The following TRPC7 variants were observed in gnomAD, a reference collection of about 807,000 sequenced individuals.
The protein encoded by TRPC7 is short transient receptor potential channel 7.
Under a neutral mutation model 90.1 loss-of-function variants are expected in TRPC7, and 42 were observed. The observed-to-expected ratio is 0.47, with a 90% confidence interval of 0.36 to 0.60. The LOEUF is 0.60. TRPC7 is among the 20% of genes least tolerant of loss of function. The pLI, the probability that TRPC7 is intolerant of heterozygous loss-of-function variation, is 0.00. For synonymous variants in TRPC7, 451 were observed against 436.3 expected (o/e 1.03, Z -0.42); for missense variants, 955 against 1,112.3 (o/e 0.86, Z 2.01).
At chr5:136,214,787 C>T (rs1050541615) in intron 11 of TRPC7, among the ~76,000 whole-genome samples, 1 of 152,166 alleles carries the variant, frequency 6.6e-6, no homozygotes, top group Non-Finnish European at 1.5e-5. Flanking sequence ...AATGACCAGG[C>T]TCTTTCTGTA....
chr5:136,356,581 C>T, intron 2 of TRPC7, 27 bp downstream of exon 2: 1 of 1,508,282 alleles, frequency 6.6e-7, no homozygotes, highest in Non-Finnish European at 8.9e-7. Flanking sequence ...GGCAACCTGC[C>T]TGCAGGGTGC....
intron 7 of TRPC7, among the ~76,000 whole-genome samples, chr5:136,234,454 C>T (rs888146821): frequency 7.2e-5 from 11 of 151,996 alleles, no homozygotes; most frequent in Admixed American, 3.9e-4. Context: ...GGATTACAGG[C>T]GCGCGCCACT....
At chr5:136,235,555 C>G (rs762571111) in intron 7 of TRPC7, among the ~76,000 whole-genome samples, 1 of 152,156 alleles carries the variant, frequency 6.6e-6, no homozygotes, top group Non-Finnish European at 1.5e-5. Flanking sequence ...GGTTATGAGG[C>G]TCTCTGAGTT....
At chr5:136,292,367 A>G (rs1325720535) in intron 3 of TRPC7, among the ~76,000 whole-genome samples, 2 of 152,196 alleles carry the variant, frequency 1.3e-5, no homozygotes, top group East Asian at 1.9e-4. Context: ...TGGTTTTTTG[A>G]AAAGATCAAC....
chr5:136,244,664 T>C (rs1756279357), intron 7 of TRPC7, among the ~76,000 whole-genome samples: 1 of 152,264 alleles, frequency 6.6e-6, no homozygotes, highest in Non-Finnish European at 1.5e-5. Context: ...GTTTATCGGC[T>C]GACATCCTCT....
chr5:136,242,144 G>A (rs1409917289), intron 7 of TRPC7, among the ~76,000 whole-genome samples: 1 of 152,162 alleles, frequency 6.6e-6, no homozygotes, highest in East Asian at 1.9e-4. Context: ...TTTTCTTAAA[G>A]ACTTTATTAA....
chr5:136,301,628 GA>G (rs1201904813), intron 3 of TRPC7, among the ~76,000 whole-genome samples: 1 of 152,012 alleles, frequency 6.6e-6, no homozygotes, highest in Non-Finnish European at 1.5e-5. Flanking sequence ...CCACCCTTGA[GA>G]ATGTACTTTG....
At chr5:136,225,216 G>T in intron 10 of TRPC7, 58 bp downstream of exon 10, 1 of 1,463,642 alleles carries the variant, frequency 6.8e-7, no homozygotes, top group East Asian at 2.3e-5. Flanking sequence ...GACTAAATCT[G>T]TGTCTTAGTG....
At chr5:136,291,926 A>T (rs2149825055) in intron 3 of TRPC7, among the ~76,000 whole-genome samples, 1 of 152,294 alleles carries the variant, frequency 6.6e-6, no homozygotes, top group African/African-American at 2.4e-5. Context: ...AAAGAACAGA[A>T]ATTATAACAA....
At chr5:136,267,727 T>C (rs1258901280) in intron 4 of TRPC7, among the ~76,000 whole-genome samples, 1 of 152,240 alleles carries the variant, frequency 6.6e-6, no homozygotes, top group Non-Finnish European at 1.5e-5. Context: ...AACCCATTTA[T>C]TAAAATAAAG....
intron 2 of TRPC7, among the ~76,000 whole-genome samples, chr5:136,333,332 C>T (rs1004997947): frequency 1.3e-5 from 2 of 151,900 alleles, no homozygotes; most frequent in African/African-American, 2.4e-5. Context: ...CTGAGGACAG[C>T]GTAAGTAAAG....
chr5:136,280,121 C>T (rs1757498495), intron 3 of TRPC7, among the ~76,000 whole-genome samples: 1 of 152,200 alleles, frequency 6.6e-6, no homozygotes, highest in South Asian at 2.1e-4. Context: ...GATTGCACCA[C>T]TGCTCTCCAA....
intron 3 of TRPC7, among the ~76,000 whole-genome samples, chr5:136,296,825 C>T (rs1007010926): frequency 1.2e-4 from 19 of 152,140 alleles, no homozygotes; most frequent in African/African-American, 4.6e-4. Flanking sequence ...GAAATACAAA[C>T]TGCAGACAAC....
intron 1 of TRPC7, among the ~76,000 whole-genome samples, chr5:136,359,678 T>C (rs78600893): frequency 0.026 from 3,972 of 152,200 alleles, 72 homozygotes; most frequent in African/African-American, 0.045. Context: ...AAGAGAAAGT[T>C]ACTGAGTCGA....
intron 2 of TRPC7, among the ~76,000 whole-genome samples, chr5:136,355,599 C>A (rs1223530127): frequency 7.4e-6 from 1 of 135,010 alleles, no homozygotes; most frequent in Non-Finnish European, 1.7e-5. Context: ...GAGATCAAGA[C>A]CATCCTGGCT....
intron 3 of TRPC7, among the ~76,000 whole-genome samples, chr5:136,294,483 A>G (rs1473777714): frequency 6.6e-6 from 1 of 152,184 alleles, no homozygotes; most frequent in Non-Finnish European, 1.5e-5. Context: ...GGCGAAGGAT[A>G]TGAACAGACA....
intron 2 of TRPC7, 196 bp from the exon 3 acceptor site, chr5:136,315,975 A>G (rs1352803118): frequency 3.4e-6 from 2 of 590,082 alleles, no homozygotes; most frequent in African/African-American, 1.9e-5. Flanking sequence ...CCTGAAGGAC[A>G]TTTTCTCTAG....
At chr5:136,310,538 T>C (rs1162214058) in intron 3 of TRPC7, among the ~76,000 whole-genome samples, 1 of 152,084 alleles carries the variant, frequency 6.6e-6, no homozygotes, top group Non-Finnish European at 1.5e-5. Context: ...TTTCAGGGTC[T>C]GGAAGGCTCA....
chr5:136,250,377 T>G (rs578040246), intron 6 of TRPC7, among the ~76,000 whole-genome samples: 30 of 152,340 alleles, frequency 2.0e-4, no homozygotes, highest in Non-Finnish European at 3.5e-4. Flanking sequence ...AAAGATTCTG[T>G]GGTCCCGGAG....
Sources: allele counts gnomAD v4.1 joint callset (sites outside exome capture counted in the v4.1 genomes callset), GRCh38; gene constraint gnomAD v4.1.1; transcripts MANE v1.5; gene names NCBI Gene and HGNC (gene_info 2026-07-23, HGNC 2026-07-21).